The following AKR7A3 variants were observed in gnomAD, a reference collection of about 807,000 sequenced individuals.
AKR7A3 encodes AFB1 aldehyde reductase 2.
AKR7A3 carries 37 observed loss-of-function variants against 32.5 expected under a neutral mutation model. The ratio of observed to expected loss-of-function variants is 1.14; its 90% CI spans 0.88 to 1.50. The LOEUF is 1.50. AKR7A3 is among the 40% of genes most tolerant of loss of function. The pLI, the probability that AKR7A3 is intolerant of heterozygous loss-of-function variation, is 0.00. For missense variants in AKR7A3, 412 were observed against 453.2 expected (o/e 0.91, Z 0.83); for synonymous variants, 177 against 188.4 (o/e 0.94, Z 0.50).
At position 19,282,666 on chromosome 1, in the gene AKR7A3, T is replaced by C. The variant is rs1330527538; in HGVS notation, c.*65A>G. Reference sequence around the variant, plus strand: ...AGAATTTACTGAGGCAGTTCTAAATTAAAGAAAATGTGAGTAACAAAAGAT... The same window carrying C: ...AGAATTTACTGAGGCAGTTCTAAATCAAAGAAAATGTGAGTAACAAAAGAT... On this transcript the variant is annotated 3_prime_UTR_variant, in exon 7 of 7. Coordinates refer to ENST00000361640, the MANE Select transcript of AKR7A3 (RefSeq NM_012067.3). 6.2e-7 allele frequency: 1 copy of C among 1,611,776 alleles called. No individual in the cohort carries two copies. The highest frequency in any genetic ancestry group is 8.5e-7 in the Non-Finnish European group (1 of 1,179,092).
chr1:19,276,988 C>T, the AKR7A3 span, among the ~76,000 whole-genome samples: 1 of 151,594 alleles, frequency 6.6e-6, no homozygotes, highest in Non-Finnish European at 1.5e-5. Context: ...GTGGCTCATG[C>T]CTATAATCCC....
chr1:19,280,300 G>A (rs564261438), downstream of AKR7A3, among the ~76,000 whole-genome samples: 24 of 151,818 alleles, frequency 1.6e-4, no homozygotes, highest in East Asian at 4.4e-3. Flanking sequence ...CTGGAGTGGA[G>A]TGGCACAATT....
In AKR7A3 at chr1:19,285,091, C is replaced by T; in HGVS notation, c.531G>A (p.Arg177=). 1 of 1,613,504 alleles carries T rather than the reference C, an allele frequency of 6.2e-7. No individual in the cohort carries two copies. The highest frequency in any genetic ancestry group is 8.5e-7 in the Non-Finnish European group (1 of 1,179,854). The stretch of plus-strand genomic sequence containing the variant: ...AGGGGAAGAGCTCCGTTTCCACCTG[C>T]CGGGTGATGGCATTGTACATGCCCT... ...VYQGMYNAIT[R]QVETELFPCL... The change falls in exon 4 of 7, where the codon CGG becomes CGA. Residue 177 remains arginine, a synonymous_variant. Coordinates refer to ENST00000361640, the MANE Select transcript of AKR7A3 (RefSeq NM_012067.3).
downstream of AKR7A3, among the ~76,000 whole-genome samples, chr1:19,280,869 C>G (rs188186572): frequency 1.1e-4 from 16 of 151,824 alleles, no homozygotes; most frequent in African/African-American, 3.9e-4. Context: ...CGCGCCCGGC[C>G]TAAAGATGGT....
At chr1:19,286,421 C>A in intron 1 of AKR7A3, 49 bp from the exon 2 acceptor site, 1 of 1,579,112 alleles carries the variant, frequency 6.3e-7, no homozygotes, top group Non-Finnish European at 8.7e-7. Flanking sequence ...GTGGCTCATG[C>A]CTGTAATCCC....
downstream of AKR7A3, chr1:19,282,424 C>G: frequency 2.3e-6 from 1 of 431,812 alleles, no homozygotes; most frequent in Non-Finnish European, 4.3e-6. Context: ...CTGTAAGCTT[C>G]CTGAGGCCCT....
At chr1:19,282,935 A>C (rs774931990) in intron 6 of AKR7A3, 43 bp from the exon 7 acceptor site, 1 of 1,591,912 alleles carries the variant, frequency 6.3e-7, no homozygotes, top group East Asian at 2.2e-5. Context: ...TCTGCTGCAC[A>C]GCGACTCTAC....
At chr1:19,278,833 G>T (rs1008659065), downstream of AKR7A3, among the ~76,000 whole-genome samples, 1 of 151,860 alleles carries the variant, frequency 6.6e-6, no homozygotes, top group African/African-American at 2.4e-5. Flanking sequence ...AAACAGATTT[G>T]CCTATTCTGG....
downstream of AKR7A3, among the ~76,000 whole-genome samples, chr1:19,280,050 C>G (rs1286030749): frequency 2.0e-5 from 3 of 151,776 alleles, no homozygotes; most frequent in Non-Finnish European, 4.4e-5. Flanking sequence ...CTGGTCTAGA[C>G]AGAACATCAT....
At chr1:19,274,349 A>AC in the AKR7A3 span, among the ~76,000 whole-genome samples, 3 of 151,962 alleles carry the variant, frequency 2.0e-5, no homozygotes, top group South Asian at 4.2e-4. Flanking sequence ...ACACTCCTCA[A>AC]GTCCGCAAGG....
chr1:19,276,410 AAAC>A, the AKR7A3 span, among the ~76,000 whole-genome samples: 1 of 151,482 alleles, frequency 6.6e-6, no homozygotes, highest in East Asian at 1.9e-4. Flanking sequence ...AAGTCCATAT[AAAC>A]AACATGAATG....
chr1:19,284,697 C>T lies in AKR7A3; in HGVS notation c.693G>A (p.Met231Ile), dbSNP rs1407841363. ...CACCCACAGCTTACCGATTCCTGTACATCTCTGCCCAGGTATTCCCAAAGA... is the reference window on the plus strand; with the variant it reads ...CACCCACAGCTTACCGATTCCTGTATATCTCTGCCCAGGTATTCCCAAAGA... Reference protein sequence around the residue: ...GRFFGNTWAEMYRNRYWKEHH... With the variant: ...GRFFGNTWAEIYRNRYWKEHH... Residue 231 changes from methionine to isoleucine, a missense_variant, in exon 5 of 7, where the codon ATG (methionine) becomes ATA (isoleucine). Transcript: ENST00000361640. 2 of 1,613,880 alleles carry T rather than the reference C, an allele frequency of 1.2e-6. No individual in the cohort carries two copies. The highest frequency in any genetic ancestry group is 1.6e-4 in the Middle Eastern group (1 of 6,062).
rs373639940 is a variant in AKR7A3, at chr1:19,284,134, G to A, written c.705-9C>T. On this transcript the variant is annotated splice_polypyrimidine_tract_variant and intron_variant, in intron 5 of 6. Coordinates refer to ENST00000361640, the MANE Select transcript of AKR7A3 (RefSeq NM_012067.3). ...GGTGCTCCTTCCAGTAGCTGGGAAG[G>A]GGGGACGGTGGCACAGGTGTCAGGG... The A allele has an allele frequency of 3.7e-5, 59 of 1,605,586 alleles. No homozygotes were observed. The highest frequency in any genetic ancestry group is 1.2e-4 in the African/African-American group (9 of 74,352).
rs187424258 is a variant in AKR7A3, at chr1:19,282,692, G to A, written c.*39C>T. On this transcript the variant is annotated 3_prime_UTR_variant, in exon 7 of 7. Coordinates refer to ENST00000361640, the MANE Select transcript of AKR7A3 (RefSeq NM_012067.3). ...AAAGAAAATGTGAGTAACAAAAGAT[G>A]TTACAGAAGAGCCTTGGGCAGCCTG... is the stretch of plus-strand genomic sequence containing the variant. The A allele has an allele frequency of 8.2e-4, 1,327 of 1,613,760 alleles. 28 individuals are homozygous for A. The African/African-American group carries it at 0.014, about 17-fold the overall frequency.
downstream of AKR7A3, among the ~76,000 whole-genome samples, chr1:19,278,593 A>G (rs2093714452): frequency 1.3e-5 from 2 of 151,804 alleles, no homozygotes; most frequent in South Asian, 4.1e-4. Context: ...ACAAAAACAA[A>G]AACAAAAAAA....
Position 19,282,804 on chromosome 1 carries a change from T to A in AKR7A3, c.923A>T (p.Glu308Val). ...NLAAAEEGPLEPAVVDAFNQA... is the reference protein window; with the variant it reads ...NLAAAEEGPLVPAVVDAFNQA... ...ATTAAAGGCGTCCACGACAGCCGGC[T>A]CCAGGGGCCCTTCCTCTGCCGCTGC... Residue 308 changes from glutamate (E) to valine (V), a missense_variant, in exon 7 of 7, where the codon GAG becomes GTG. Transcript: ENST00000361640. 6.2e-7 allele frequency: 1 copy of A among 1,613,436 alleles called. No homozygotes were observed.
At chr1:19,281,187 G>T (rs780640019), downstream of AKR7A3, among the ~76,000 whole-genome samples, 1 of 151,432 alleles carries the variant, frequency 6.6e-6, no homozygotes, top group African/African-American at 2.4e-5. Context: ...GATTACAGGC[G>T]CCTACCACCA....
At chr1:19,276,026 A>C in the AKR7A3 span, among the ~76,000 whole-genome samples, 1 of 152,118 alleles carries the variant, frequency 6.6e-6, no homozygotes, top group South Asian at 2.1e-4. Context: ...CAGTTGTAGA[A>C]CAGTTGTCAG....
the AKR7A3 span, among the ~76,000 whole-genome samples, chr1:19,275,254 A>G: frequency 1.1e-4 from 16 of 151,652 alleles, no homozygotes; most frequent in South Asian, 3.3e-3. Flanking sequence ...TCTACTAAAA[A>G]TACAAAATTA....
Sources: gnomAD v4.1 joint callset for allele counts (sites outside exome capture counted in the v4.1 genomes callset) on GRCh38, gnomAD v4.1.1 for gene constraint, MANE v1.5 for transcripts, NCBI Gene and HGNC (gene_info 2026-07-23, HGNC 2026-07-21) for gene names.